Variants in FBXL20 observed in about 807,000 individuals in gnomAD.
FBXL20 encodes F-box/LRR-repeat protein 20.
A neutral mutation model predicts 64.0 loss-of-function variants in FBXL20; 11 were observed. The ratio of observed to expected loss-of-function variants is 0.17; its 90% CI spans 0.11 to 0.28. The LOEUF is 0.28. Among genes scored for constraint, FBXL20 ranks in the 10% least tolerant of loss-of-function variants. The pLI is 1.00. For missense variants in FBXL20, 303 were observed against 526.2 expected, an observed-to-expected ratio of 0.58 and a Z score of 4.15; for synonymous variants, 184 against 189.0, an observed-to-expected ratio of 0.97 and a Z score of 0.22.
intron 2 of FBXL20, among the ~76,000 whole-genome samples, chr17:39,318,872 C>T (rs769025052): frequency 3.9e-5 from 6 of 152,270 alleles, no homozygotes; most frequent in Middle Eastern, 3.4e-3. Flanking sequence ...AAAATGTAAG[C>T]GGAAATCTCC....
At chr17:39,357,649 G>A (rs34841831) in intron 1 of FBXL20, among the ~76,000 whole-genome samples, 1 of 152,196 alleles carries the variant, frequency 6.6e-6, no homozygotes, top group Non-Finnish European at 1.5e-5. Context: ...TGGGGCTCAA[G>A]CGAAGCTGCC....
intron 1 of FBXL20, among the ~76,000 whole-genome samples, chr17:39,394,559 T>G (rs988881950): frequency 6.7e-6 from 1 of 149,794 alleles, no homozygotes; most frequent in Non-Finnish European, 1.5e-5. Context: ...TTACAGAATT[T>G]TTCTTTTCTT....
chr17:39,261,821 G>A (rs1382826578), intron 14 of FBXL20, among the ~76,000 whole-genome samples: 2 of 152,058 alleles, frequency 1.3e-5, no homozygotes, highest in East Asian at 2.0e-4. Context: ...GGTGGCTCAC[G>A]CCTGTAATCC....
intron 1 of FBXL20, among the ~76,000 whole-genome samples, chr17:39,356,114 C>G (rs915859115): frequency 6.8e-6 from 1 of 147,886 alleles, no homozygotes; most frequent in Non-Finnish European, 1.5e-5. Context: ...ACTTGGGAGG[C>G]TGAGGCAGAA....
At position 39,261,433 on chromosome 17, in the gene FBXL20, G is replaced by T; in HGVS notation, c.*27C>A. On this transcript the variant is annotated 3_prime_UTR_variant, in exon 15 of 15. Coordinates refer to ENST00000264658, the MANE Select transcript of FBXL20 (RefSeq NM_032875.3). The stretch of plus-strand genomic sequence containing the variant: ...CTCTAGAAGTGTCATTAAATACTCA[G>T]TTCGCCAAGGTTGACCACCTCCATT... 1 of 1,567,432 alleles carries T rather than the reference G, an allele frequency of 6.4e-7. No homozygotes were observed. The highest frequency in any genetic ancestry group is 8.8e-7 in the Non-Finnish European group (1 of 1,137,624).
chr17:39,402,299 T>C, upstream of FBXL20: 3 of 906,300 alleles, frequency 3.3e-6, no homozygotes, highest in Non-Finnish European at 4.3e-6. Context: ...CGCCGCCGCC[T>C]CCCCCGCCTC....
intron 1 of FBXL20, among the ~76,000 whole-genome samples, chr17:39,386,778 C>A (rs1039376276): frequency 1.3e-5 from 2 of 152,152 alleles, no homozygotes; most frequent in Non-Finnish European, 2.9e-5. Flanking sequence ...TCTAATTCCA[C>A]AAAAGAACAC....
At chr17:39,352,094 CAGTT>C (rs1207763234) in intron 1 of FBXL20, among the ~76,000 whole-genome samples, 1 of 152,138 alleles carries the variant, frequency 6.6e-6, no homozygotes, top group African/African-American at 2.4e-5. Context: ...TTCTAAATCT[CAGTT>C]TGACACATTT....
At chr17:39,306,468 G>T (rs569756746) in intron 2 of FBXL20, among the ~76,000 whole-genome samples, 1 of 152,084 alleles carries the variant, frequency 6.6e-6, no homozygotes, top group South Asian at 2.1e-4. Context: ...TATAATTTTA[G>T]TTCTTAGATA....
chr17:39,354,389 C>T (rs2047716357), intron 1 of FBXL20, among the ~76,000 whole-genome samples: 2 of 152,192 alleles, frequency 1.3e-5, no homozygotes, highest in South Asian at 4.1e-4. Context: ...GCACTTACTA[C>T]CCATTCCATG....
At position 39,401,562 on chromosome 17, in the gene FBXL20, G is replaced by A; in HGVS notation, c.-160C>T. 2.8e-6 allele frequency: 4 copies of A among 1,414,004 alleles called. No individual in the cohort carries two copies. In the East Asian group the frequency reaches 8.3e-5, roughly 29 times the overall value. 87.6% of individuals were successfully genotyped at this position (1,414,004 alleles called of 1,614,324 possible). A position where few individuals can be genotyped will look rare whatever the true frequency, so the allele number is the denominator to read the frequency against. The stretch of plus-strand genomic sequence containing the variant: ...CAAGAGACCTCTCGGCTCCGGCTAG[G>A]CCTCCACCACCTCCCGCGGCGCCGG... On this transcript the variant is annotated 5_prime_UTR_variant, in exon 1 of 15. Coordinates refer to ENST00000264658, the MANE Select transcript of FBXL20 (RefSeq NM_032875.3).
rs113983585 is a variant in FBXL20, at chr17:39,400,313, C to T, written c.42+1048G>A. Among the ~76,000 whole-genome samples the T allele has an allele frequency of 2.0e-5, 3 of 152,108 alleles. No homozygotes were observed. The East Asian group carries it at 5.8e-4, about 29-fold the overall frequency. On this transcript the variant is annotated intron_variant, in intron 1 of 14. Transcript: ENST00000264658. Reference sequence around the variant, plus strand: ...TCAAAGAATAGATTAAACTGACAACCCTTAAAAGTTTTCACACCCTGAACC... The same window carrying T: ...TCAAAGAATAGATTAAACTGACAACTCTTAAAAGTTTTCACACCCTGAACC...
chr17:39,337,048 C>A (rs2047529529), intron 2 of FBXL20, among the ~76,000 whole-genome samples: 1 of 151,264 alleles, frequency 6.6e-6, no homozygotes, highest in Admixed American at 6.6e-5. Context: ...CGAAGCTGGA[C>A]TGTACTGCTG....
intron 6 of FBXL20, among the ~76,000 whole-genome samples, chr17:39,286,415 A>C (rs1457079571): frequency 6.6e-6 from 1 of 152,082 alleles, no homozygotes; most frequent in East Asian, 1.9e-4. Context: ...GGGTTTTGCC[A>C]TGTTAGCCAG....
In FBXL20 at chr17:39,370,405, G is replaced by A. The variant is rs577307844; in HGVS notation, c.43-27164C>T. On this transcript the variant is annotated intron_variant, in intron 1 of 14. Coordinates refer to ENST00000264658, the MANE Select transcript of FBXL20 (RefSeq NM_032875.3). The stretch of plus-strand genomic sequence containing the variant: ...ACTCAGGGGTTGAGGCAGAAGCATC[G>A]CTTGAACCCGGGAGGCGGAGTTTGC... 3.3e-5 allele frequency among the ~76,000 whole-genome samples: 5 copies of A among 151,944 alleles called. No individual in the cohort carries two copies. The South Asian group carries it at 8.3e-4, about 25-fold the overall frequency.
At chr17:39,317,701 G>GTTTT (rs1238194174) in intron 2 of FBXL20, among the ~76,000 whole-genome samples, 4 of 44,282 alleles carry the variant, frequency 9.0e-5, no homozygotes, top group South Asian at 6.0e-4. Flanking sequence ...TTTTTTTTTT[G>GTTTT]TTTTTTTTTT....
intron 2 of FBXL20, among the ~76,000 whole-genome samples, chr17:39,307,943 C>T (rs1437590938): frequency 8.7e-5 from 13 of 148,848 alleles, no homozygotes; most frequent in African/African-American, 3.0e-4. Context: ...TGCACTCCAA[C>T]CTGGGCAACA....
At chr17:39,400,385 A>C (rs2048229845) in intron 1 of FBXL20, among the ~76,000 whole-genome samples, 1 of 152,202 alleles carries the variant, frequency 6.6e-6, no homozygotes, top group Non-Finnish European at 1.5e-5. Context: ...TTACAATTTC[A>C]TCTCTCAAAT....
intron 1 of FBXL20, among the ~76,000 whole-genome samples, chr17:39,361,669 C>G (rs746305872): frequency 6.6e-6 from 1 of 151,684 alleles, no homozygotes. Flanking sequence ...TGGTGGCACG[C>G]GCCTGTAGTC....
Sources: allele counts gnomAD v4.1 joint callset (sites outside exome capture counted in the v4.1 genomes callset), GRCh38; gene constraint gnomAD v4.1.1; transcripts MANE v1.5; gene names NCBI Gene and HGNC (gene_info 2026-07-23, HGNC 2026-07-21).